Variants in MAGI2 observed in about 807,000 individuals in gnomAD.
The protein encoded by MAGI2 is membrane-associated guanylate kinase, WW and PDZ domain-containing protein 2.
A neutral mutation model predicts 133.3 loss-of-function variants in MAGI2; 35 were observed. The ratio of observed to expected loss-of-function variants is 0.26; its 90% CI spans 0.20 to 0.35. The LOEUF (loss-of-function observed/expected upper bound fraction) is 0.35, where lower values mean the gene tolerates loss of function less well. Among genes scored for constraint, MAGI2 ranks in the 10% least tolerant of loss-of-function variants. The pLI is 1.00. For missense variants in MAGI2, 1,636 were observed against 1,863.4 expected (o/e 0.88, Z 2.25); for synonymous variants, 729 against 710.6 (o/e 1.03, Z -0.41).
intron 1 of MAGI2, among the ~76,000 whole-genome samples, chr7:79,430,614 T>C (rs527672383): frequency 6.6e-6 from 1 of 152,284 alleles, no homozygotes; most frequent in East Asian, 1.9e-4. Context: ...TACACAAAAA[T>C]TACCTAATCA....
At chr7:78,286,887 G>A (rs1033484879) in intron 9 of MAGI2, among the ~76,000 whole-genome samples, 20 of 152,156 alleles carry the variant, frequency 1.3e-4, no homozygotes, top group African/African-American at 3.9e-4. Flanking sequence ...TGATATCAGA[G>A]CTTGTGGATT....
At chr7:78,904,229 A>G (rs556610994) in intron 2 of MAGI2, 1 of 152,256 alleles carries the variant, frequency 6.6e-6, no homozygotes, top group Non-Finnish European at 1.5e-5. Context: ...GAAGACGTGT[A>G]TGAAATCAGA....
intron 2 of MAGI2, among the ~76,000 whole-genome samples, chr7:78,883,493 A>T (rs1121066): frequency 3.3e-5 from 5 of 151,946 alleles, no homozygotes; most frequent in African/African-American, 9.7e-5. Context: ...TACCAATGCC[A>T]TTTTTTACAA....
chr7:78,209,958 G>A (rs1787607764), intron 10 of MAGI2, among the ~76,000 whole-genome samples: 1 of 152,080 alleles, frequency 6.6e-6, no homozygotes, highest in Non-Finnish European at 1.5e-5. Flanking sequence ...TCTTTACATA[G>A]CTATCTCTGA....
At chr7:78,532,875 T>C (rs1312384652) in intron 3 of MAGI2, among the ~76,000 whole-genome samples, 1 of 152,196 alleles carries the variant, frequency 6.6e-6, no homozygotes, top group African/African-American at 2.4e-5. Flanking sequence ...TGACTACCTA[T>C]GAAAACCAAT....
chr7:78,351,643 A>G (rs1179131963), intron 7 of MAGI2: 2 of 151,984 alleles, frequency 1.3e-5, no homozygotes, highest in East Asian at 1.9e-4. Context: ...CCAATTCCCC[A>G]TCTCTGCACT....
intron 2 of MAGI2, among the ~76,000 whole-genome samples, chr7:78,909,331 C>T (rs113547348): frequency 0.083 from 12,584 of 151,114 alleles, 1,210 homozygotes; most frequent in African/African-American, 0.22. Flanking sequence ...CGGTGGCTCA[C>T]GCCTGTAATC....
intron 1 of MAGI2, among the ~76,000 whole-genome samples, chr7:79,188,499 A>C (rs1827366901): frequency 6.6e-6 from 1 of 151,734 alleles, no homozygotes; most frequent in Non-Finnish European, 1.5e-5. Context: ...GTGTATATGT[A>C]CCACATTTTC....
At chr7:78,875,098 A>G (rs1283038815) in intron 2 of MAGI2, among the ~76,000 whole-genome samples, 1 of 152,182 alleles carries the variant, frequency 6.6e-6, no homozygotes, top group African/African-American at 2.4e-5. Flanking sequence ...GAAACAAAAA[A>G]TCTGAGTATG....
chr7:78,977,326 T>C (rs543124676), intron 2 of MAGI2, among the ~76,000 whole-genome samples: 1 of 150,650 alleles, frequency 6.6e-6, no homozygotes, highest in African/African-American at 2.4e-5. Flanking sequence ...GGCAATTCAA[T>C]GAAGGAACCA....
chr7:78,406,360 T>C (rs562319882), intron 6 of MAGI2, among the ~76,000 whole-genome samples: 13 of 152,060 alleles, frequency 8.5e-5, no homozygotes, highest in Non-Finnish European at 1.9e-4. Flanking sequence ...CTTTGTAAGT[T>C]TGGTTGTGTT....
In MAGI2 at chr7:79,121,998, T is replaced by C. The variant is rs1026332228; in HGVS notation, c.302-114792A>G. Among the ~76,000 whole-genome samples, 5 of 152,320 alleles carry C rather than the reference T, an allele frequency of 3.3e-5. No individual in the cohort carries two copies. In the East Asian group the frequency reaches 9.7e-4, roughly 29 times the overall value. ...TTGGTATTCAGTAGCTATATCACTT[T>C]GTATTCCCACAGTACTTAAAAAGAG... is the stretch of plus-strand genomic sequence containing the variant. On this transcript the variant is annotated intron_variant, in intron 1 of 21. Coordinates refer to ENST00000354212, the MANE Select transcript of MAGI2 (RefSeq NM_012301.4).
intron 2 of MAGI2, among the ~76,000 whole-genome samples, chr7:78,905,583 G>A (rs1797936533): frequency 6.6e-6 from 1 of 152,136 alleles, no homozygotes; most frequent in Non-Finnish European, 1.5e-5. Context: ...CTTCTGCCTA[G>A]AGTGCCCTTT....
In MAGI2 at chr7:78,019,903, G is replaced by A. The variant is rs888049635; in HGVS notation, c.3780C>T (p.Asp1260=). Residue 1260 remains aspartate, a synonymous_variant, in exon 22 of 22, where the codon GAC becomes GAT. Transcript: ENST00000354212. ...GTGATGGAGAGAATGGAGCGAGGCC[G>A]TCGTCCAGGGAGACGCCTACTTCCG... ...GLPEVGVSLD[D]GLAPFSPSHP... 6.8e-6 allele frequency: 11 copies of A among 1,610,606 alleles called. No homozygotes were observed. The highest frequency in any genetic ancestry group is 6.8e-6 in the Non-Finnish European group (8 of 1,178,818).
chr7:78,916,616 T>C (rs907415963), intron 2 of MAGI2, among the ~76,000 whole-genome samples: 20 of 152,028 alleles, frequency 1.3e-4, no homozygotes, highest in African/African-American at 4.6e-4. Flanking sequence ...GATGAATAAG[T>C]GAAATGAAGA....
intron 6 of MAGI2, among the ~76,000 whole-genome samples, chr7:78,403,391 G>T (rs1187137221): frequency 6.6e-6 from 1 of 152,132 alleles, no homozygotes; most frequent in Non-Finnish European, 1.5e-5. Context: ...TCCTAATCTA[G>T]TCTATCATTG....
At chr7:78,275,101 T>C (rs1794935208) in intron 9 of MAGI2, among the ~76,000 whole-genome samples, 1 of 152,138 alleles carries the variant, frequency 6.6e-6, no homozygotes, top group African/African-American at 2.4e-5. Context: ...AATCTCCTGG[T>C]CTGCCGGCTG....
chr7:78,124,077 A>T (rs994769677), intron 20 of MAGI2, among the ~76,000 whole-genome samples: 1 of 152,180 alleles, frequency 6.6e-6, no homozygotes, highest in African/African-American at 2.4e-5. Context: ...ACTGTTTGTA[A>T]CCGACAGAGA....
At chr7:78,070,444 GTATA>G (rs1321414192) in intron 21 of MAGI2, among the ~76,000 whole-genome samples, 1 of 146,798 alleles carries the variant, frequency 6.8e-6, no homozygotes, top group South Asian at 2.1e-4. Context: ...ATATATATGT[GTATA>G]TATATGTGTG....
Sources: allele counts gnomAD v4.1 joint callset (sites outside exome capture counted in the v4.1 genomes callset), GRCh38; gene constraint gnomAD v4.1.1; transcripts MANE v1.5; gene names NCBI Gene and HGNC (gene_info 2026-07-23, HGNC 2026-07-21).